WSB2: variants seen among roughly 807,000 people sequenced by gnomAD.
The protein encoded by WSB2 is WD repeat and SOCS box containing 2, also known as WD repeat and SOCS box-containing protein 2.
A neutral mutation model predicts 48.8 loss-of-function variants in WSB2; 12 were observed. That is an observed-to-expected ratio of 0.25 (90% CI 0.16 to 0.40). The LOEUF (loss-of-function observed/expected upper bound fraction) is 0.40. Ranked by LOEUF, WSB2 falls within the 10% of genes least tolerant of loss-of-function variation. The pLI is 1.00. For synonymous variants in WSB2, 191 were observed against 203.1 expected (o/e 0.94, Z 0.51); for missense variants, 317 against 506.2 (o/e 0.63, Z 3.59).
chr12:118,055,747 T>C (rs1566143303), intron 1 of WSB2, among the ~76,000 whole-genome samples: 1 of 150,586 alleles, frequency 6.6e-6, no homozygotes, highest in Non-Finnish European at 1.5e-5. Context: ...TCCAAGAAGC[T>C]GGGATTACAG....
chr12:118,061,395 G>GT (rs2032063818), upstream of WSB2, among the ~76,000 whole-genome samples: 1 of 148,456 alleles, frequency 6.7e-6, no homozygotes, highest in Admixed American at 6.8e-5. Context: ...TGGGGCAGGG[G>GT]TGGGGGGAGC....
intron 1 of WSB2, 106 bp from the exon 2 acceptor site, chr12:118,052,584 T>C: frequency 7.9e-6 from 12 of 1,525,006 alleles, no homozygotes; most frequent in Non-Finnish European, 1.1e-5. Context: ...CACTATCCAT[T>C]CCCAGAGGGA....
intron 1 of WSB2, 33 bp downstream of exon 1, chr12:118,061,003 C>G: frequency 6.2e-6 from 6 of 969,496 alleles, no homozygotes; most frequent in Non-Finnish European, 6.1e-6. Context: ...AGGGCCCCGC[C>G]GGGCGGGAAC....
chr12:118,055,732 A>T (rs1378341694), intron 1 of WSB2, among the ~76,000 whole-genome samples: 2 of 146,908 alleles, frequency 1.4e-5, no homozygotes, highest in African/African-American at 5.1e-5. Flanking sequence ...CTTATGCCTC[A>T]GCCTTCCAAG....
chr12:118,042,624 A>C (rs1415372450), intron 4 of WSB2: 4 of 589,856 alleles, frequency 6.8e-6, no homozygotes, highest in Non-Finnish European at 8.5e-6. Context: ...CTAAATAGAC[A>C]CACAGTATAT....
chr12:118,042,726 A>G (rs2031662629), intron 4 of WSB2, 115 bp downstream of exon 4: 2 of 1,505,716 alleles, frequency 1.3e-6, no homozygotes, highest in Admixed American at 4.3e-5. Flanking sequence ...CTTAAGGGGC[A>G]ATCACAGAAA....
At chr12:118,046,780 G>GT (rs1042840030) in intron 2 of WSB2, among the ~76,000 whole-genome samples, 6 of 151,860 alleles carry the variant, frequency 4.0e-5, no homozygotes, top group African/African-American at 1.5e-4. Flanking sequence ...ATTTATTTTG[G>GT]TTTTTTTTAA....
intron 1 of WSB2, among the ~76,000 whole-genome samples, chr12:118,055,911 GTT>G (rs11308776): frequency 2.8e-5 from 4 of 145,038 alleles, no homozygotes; most frequent in African/African-American, 2.5e-5. Context: ...CACCACGTCT[GTT>G]TTTTTTTTTT....
At chr12:118,047,409 T>TA (rs1171479714) in intron 2 of WSB2, among the ~76,000 whole-genome samples, 13 of 152,250 alleles carry the variant, frequency 8.5e-5, no homozygotes, top group African/African-American at 3.1e-4. Flanking sequence ...TCACTGAAGT[T>TA]AAAGTTTCTA....
At chr12:118,034,428 A>G (rs1321859005) in intron 8 of WSB2, 70 bp from the exon 9 acceptor site, 2 of 1,568,304 alleles carry the variant, frequency 1.3e-6, no homozygotes, top group African/African-American at 1.4e-5. Context: ...ATGAATACTC[A>G]TGTTTCTGTT....
chr12:118,034,500 G>T, intron 8 of WSB2, 142 bp from the exon 9 acceptor site: 1 of 1,034,158 alleles, frequency 9.7e-7, no homozygotes, highest in Non-Finnish European at 1.4e-6. Flanking sequence ...GGAAATGGAT[G>T]TAAAATTGTG....
rs749945487 is a variant in WSB2, at chr12:118,052,467, G to A, written c.25C>T (p.Leu9=). 3.7e-6 allele frequency: 6 copies of A among 1,613,948 alleles called. No individual in the cohort carries two copies. The highest frequency in any genetic ancestry group is 1.7e-4 in the Middle Eastern group (1 of 6,022). MEAGEEPL[L]LAELKPGRPH... ...CGCCCGGGCTTGAGTTCGGCCAGCA[G>A]CAGCGGTTCCTCTGGGGCAGGAGAC... The change falls in exon 2 of 9, where the codon CTG becomes TTG. Residue 9 remains leucine (L), a synonymous_variant. Coordinates refer to ENST00000315436, the MANE Select transcript of WSB2 (RefSeq NM_018639.5).
rs554784997 is a variant in WSB2, at chr12:118,055,815, A to G, written c.14-3337T>C. On this transcript the variant is annotated intron_variant, in intron 1 of 8. Transcript: ENST00000315436. Reference sequence around the variant, plus strand: ...TTTTTAGTAGAGACAGGTTTTTGCTATCTTGGCCAGGCTGGTCTCAAACTC... The same window carrying G: ...TTTTTAGTAGAGACAGGTTTTTGCTGTCTTGGCCAGGCTGGTCTCAAACTC... Among the ~76,000 whole-genome samples, 83 of 151,508 alleles carry G rather than the reference A, an allele frequency of 5.5e-4. 1 individual carries two copies. The highest frequency in any genetic ancestry group is 1.9e-3 in the African/African-American group (80 of 41,318).
At chr12:118,034,737 A>C (rs1220858725) in intron 8 of WSB2, 1 of 539,766 alleles carries the variant, frequency 1.9e-6, no homozygotes, top group African/African-American at 1.9e-5. Flanking sequence ...TCTCAATTTT[A>C]TTCTCCCTTG....
intron 2 of WSB2, among the ~76,000 whole-genome samples, 198 bp from the exon 3 acceptor site, chr12:118,043,575 G>C (rs1218552185): frequency 2.0e-5 from 3 of 152,144 alleles, no homozygotes; most frequent in Non-Finnish European, 2.9e-5. Context: ...CCACCAAGTA[G>C]CTAGGACGAC....
rs1042062177 is a variant in WSB2, at chr12:118,042,684, G to A, written c.559+157C>T. The A allele has an allele frequency of 1.3e-5, 15 of 1,151,660 alleles. No homozygotes were observed. The African/African-American group carries it at 1.7e-4, about 13-fold the overall frequency. The allele number at this position is 1,151,660 out of a possible 1,614,324, so 71.3% of individuals were successfully genotyped here. The stretch of plus-strand genomic sequence containing the variant: ...ATAGTATTATCTTTGGGGCGGGCAG[G>A]GGCGATTAGGAAAAAACTGTCTAAA... On this transcript the variant is annotated intron_variant, in intron 4 of 8. Coordinates refer to ENST00000315436, the MANE Select transcript of WSB2 (RefSeq NM_018639.5).
upstream of WSB2, chr12:118,061,361 G>T: frequency 7.2e-6 from 1 of 139,850 alleles, no homozygotes; most frequent in Non-Finnish European, 1.3e-5. Flanking sequence ...CGGGGGCGGG[G>T]AAGACGCGCG....
In WSB2 at chr12:118,060,444, A is replaced by G. The variant is rs1357768169; in HGVS notation, c.13+592T>C. 6.6e-6 allele frequency among the ~76,000 whole-genome samples: 1 copy of G among 152,046 alleles called. No individual in the cohort carries two copies. Among genetic ancestry groups the G allele is most frequent in the African/African-American group, 2.4e-5 (1 of 41,378 alleles). ...CTCCACTGACTTAATCTCCAGTGGG[A>G]GAGGCTGGGAATAGATTGTTTCAAT... On this transcript the variant is annotated intron_variant, in intron 1 of 8. Transcript: ENST00000315436. The surrounding 1 kb of genome is among the most constrained non-coding windows in gnomAD (Gnocchi z 4.1).
At chr12:118,038,183 ATTGGGGTGGAT>A in intron 5 of WSB2, 94 bp downstream of exon 5, 1 of 1,071,180 alleles carries the variant, frequency 9.3e-7, no homozygotes, top group Non-Finnish European at 1.3e-6. Context: ...CATGCCTTCT[ATTGGGGTGGAT>A]TTGCGGACGA....
Sources: gnomAD v4.1 joint callset for allele counts (sites outside exome capture counted in the v4.1 genomes callset) on GRCh38, gnomAD v4.1.1 for gene constraint, Gnocchi (gnomAD v3.1) non-coding constraint, MANE v1.5 for transcripts, NCBI Gene and HGNC (gene_info 2026-07-23, HGNC 2026-07-21) for gene names.